SGCZ: variants seen among roughly 807,000 people sequenced by gnomAD.
SGCZ encodes sarcoglycan zeta, also known as zeta-sarcoglycan.
Under a neutral mutation model 41.3 loss-of-function variants are expected in SGCZ, and 40 were observed. The observed-to-expected ratio is 0.97, with a 90% CI of 0.75 to 1.26. The LOEUF (loss-of-function observed/expected upper bound fraction) is 1.26. SGCZ is among the 50% of genes most tolerant of loss of function. SGCZ has a pLI of 0.00. For missense variants in SGCZ, 552 were observed against 369.8 expected, an observed-to-expected ratio of 1.49 and a Z score of -4.04; for synonymous variants, 206 against 137.5, an observed-to-expected ratio of 1.50 and a Z score of -3.49.
chr8:15,084,516 C>T (rs189968543), intron 1 of SGCZ, among the ~76,000 whole-genome samples: 3 of 152,194 alleles, frequency 2.0e-5, no homozygotes, highest in East Asian at 1.9e-4. Flanking sequence ...TTTGGGAGGC[C>T]GAGGCTGGCG....
intron 1 of SGCZ, among the ~76,000 whole-genome samples, chr8:14,711,012 T>C (rs1285935663): frequency 6.6e-6 from 1 of 152,156 alleles, no homozygotes; most frequent in Non-Finnish European, 1.5e-5. Flanking sequence ...ATAGGACGTA[T>C]GACATATATA....
Position 14,554,870 on chromosome 8 carries a change from C to G in SGCZ, c.96G>C (p.Glu32Asp). ...TTCCCACTGGGTAAAGTTGTGCATT[C>G]TCAGTCCTTGGCAGGTTATTCTGTT... ...ATQQNNLPRT[E>D]NAQLYPVGIY... is the part of the protein sequence containing the mutation. Residue 32 changes from glutamate (E) to aspartate (D), a missense_variant, in exon 2 of 8, where the codon GAG becomes GAC. Coordinates refer to ENST00000382080, the MANE Select transcript of SGCZ (RefSeq NM_139167.4). The G allele has an allele frequency of 1.2e-6, 2 of 1,612,934 alleles. No homozygotes were observed. Among genetic ancestry groups the G allele is most frequent in the Non-Finnish European group, 1.7e-6 (2 of 1,179,508 alleles).
intron 1 of SGCZ, among the ~76,000 whole-genome samples, chr8:15,115,276 C>G (rs1321677556): frequency 6.6e-6 from 1 of 152,072 alleles, no homozygotes; most frequent in Non-Finnish European, 1.5e-5. Context: ...TTCTAAATGT[C>G]TTGGCAGCAA....
chr8:15,052,750 G>A (rs1804559356), intron 1 of SGCZ, among the ~76,000 whole-genome samples: 1 of 151,980 alleles, frequency 6.6e-6, no homozygotes. Context: ...AACATTCTTT[G>A]GAATGTCAAG....
At position 15,200,143 on chromosome 8, in the gene SGCZ, T is replaced by G. The variant is rs571046462; in HGVS notation, c.39+37442A>C. ...ATCCAAAGTAAACCATCTGGGTATG[T>G]GTTCAGCGAGTTTCCTCAAGTTCTT... On this transcript the variant is annotated intron_variant, in intron 1 of 7. Coordinates refer to ENST00000382080, the MANE Select transcript of SGCZ (RefSeq NM_139167.4). Among the ~76,000 whole-genome samples the G allele has an allele frequency of 3.3e-5, 5 of 152,336 alleles. No homozygotes were observed. In the South Asian group the frequency reaches 1.0e-3, roughly 32 times the overall value.
intron 4 of SGCZ, among the ~76,000 whole-genome samples, chr8:14,174,755 C>G (rs1012965189): frequency 7.9e-5 from 12 of 152,112 alleles, no homozygotes; most frequent in Non-Finnish European, 1.3e-4. Flanking sequence ...AGACCACAGT[C>G]TGGGTGGCTT....
chr8:15,202,113 G>A lies in SGCZ; in HGVS notation c.39+35472C>T, dbSNP rs115589929. Reference sequence around the variant, plus strand: ...ATATTAAAATGTGATGAAAGCAACTGAATAACAATTTCACAACCAAGATCC... The same window carrying A: ...ATATTAAAATGTGATGAAAGCAACTAAATAACAATTTCACAACCAAGATCC... On this transcript the variant is annotated intron_variant, in intron 1 of 7. Transcript: ENST00000382080. Among the ~76,000 whole-genome samples the A allele has an allele frequency of 6.6e-3, 1,009 of 152,212 alleles. 14 individuals are homozygous for A. Among genetic ancestry groups the A allele is most frequent in the African/African-American group, 0.023 (954 of 41,530 alleles).
chr8:14,248,928 C>G (rs1313084908), intron 3 of SGCZ, among the ~76,000 whole-genome samples: 2 of 151,880 alleles, frequency 1.3e-5, no homozygotes, highest in African/African-American at 4.8e-5. Flanking sequence ...TCTATAATTA[C>G]AAATAATAAT....
At chr8:14,774,063 A>G (rs1009858810) in intron 1 of SGCZ, among the ~76,000 whole-genome samples, 2 of 152,118 alleles carry the variant, frequency 1.3e-5, no homozygotes, top group Non-Finnish European at 2.9e-5. Context: ...GTGTTTTTGC[A>G]CGGGTGTTTT....
At chr8:15,041,311 A>T (rs184555476) in intron 1 of SGCZ, among the ~76,000 whole-genome samples, 1 of 152,010 alleles carries the variant, frequency 6.6e-6, no homozygotes. Flanking sequence ...ACATATTTCA[A>T]ATATAACCTA....
intron 1 of SGCZ, among the ~76,000 whole-genome samples, chr8:15,112,042 T>C (rs746094025): frequency 3.3e-5 from 5 of 152,194 alleles, no homozygotes; most frequent in Non-Finnish European, 5.9e-5. Flanking sequence ...CTGGTAACAC[T>C]ATGAGCACTA....
chr8:15,054,729 C>A (rs2130999371), intron 1 of SGCZ, among the ~76,000 whole-genome samples: 1 of 151,586 alleles, frequency 6.6e-6, no homozygotes, highest in Admixed American at 6.6e-5. Flanking sequence ...CTGAGGCGGG[C>A]AGACCACGAG....
intron 1 of SGCZ, among the ~76,000 whole-genome samples, chr8:15,122,240 G>C (rs1807509729): frequency 6.6e-6 from 1 of 151,464 alleles, no homozygotes; most frequent in South Asian, 2.1e-4. Flanking sequence ...AAGTAGTGAA[G>C]TCAAGAAAGG....
At chr8:14,547,341 C>G (rs999971295) in intron 2 of SGCZ, among the ~76,000 whole-genome samples, 4 of 152,150 alleles carry the variant, frequency 2.6e-5, no homozygotes, top group East Asian at 3.9e-4. Context: ...ACAGGTGACA[C>G]AGGTTTTCAT....
chr8:15,083,918 C>T (rs1178412855), intron 1 of SGCZ, among the ~76,000 whole-genome samples: 1 of 152,074 alleles, frequency 6.6e-6, no homozygotes, highest in African/African-American at 2.4e-5. Context: ...TAAATTCTTC[C>T]CCATGTTTCA....
At chr8:14,537,537 C>T (rs369706562) in intron 2 of SGCZ, among the ~76,000 whole-genome samples, 1 of 149,912 alleles carries the variant, frequency 6.7e-6, no homozygotes, top group African/African-American at 2.4e-5. Context: ...ATCTGACTTT[C>T]TTCTCTTCTC....
intron 1 of SGCZ, among the ~76,000 whole-genome samples, chr8:14,948,275 A>C (rs899145782): frequency 6.6e-6 from 1 of 152,172 alleles, no homozygotes; most frequent in Non-Finnish European, 1.5e-5. Context: ...TTGAATTATA[A>C]TAAGATGATG....
intron 2 of SGCZ, among the ~76,000 whole-genome samples, chr8:14,554,237 T>C (rs899293034): frequency 6.6e-6 from 1 of 152,072 alleles, no homozygotes; most frequent in Admixed American, 6.6e-5. Flanking sequence ...CATTAGTCAA[T>C]GTACTTCAGG....
intron 1 of SGCZ, among the ~76,000 whole-genome samples, chr8:14,924,046 T>C (rs1197721947): frequency 6.6e-6 from 1 of 152,206 alleles, no homozygotes; most frequent in Admixed American, 6.5e-5. Flanking sequence ...AAATCCCCTC[T>C]TAAGGGGAGT....
Sources: allele counts gnomAD v4.1 joint callset (sites outside exome capture counted in the v4.1 genomes callset), GRCh38; gene constraint gnomAD v4.1.1; transcripts MANE v1.5; gene names NCBI Gene and HGNC (gene_info 2026-07-23, HGNC 2026-07-21).